Variants in FBXO25 observed in about 807,000 individuals in gnomAD.
The protein encoded by FBXO25 is F-box only protein 25.
Under a neutral mutation model 51.9 loss-of-function variants are expected in FBXO25, and 45 were observed. That is an observed-to-expected ratio of 0.87 (90% CI 0.68 to 1.11). The LOEUF (loss-of-function observed/expected upper bound fraction) is 1.11. Ranked by LOEUF, FBXO25 falls within the 50% of genes most tolerant of loss-of-function variation. The pLI, the probability that FBXO25 is intolerant of heterozygous loss-of-function variation, is 0.00. For synonymous variants in FBXO25, 199 were observed against 151.0 expected, an observed-to-expected ratio of 1.32 and a Z score of -2.33; for missense variants, 507 against 428.5, an observed-to-expected ratio of 1.18 and a Z score of -1.62.
chr8:475,729 A>G lies in FBXO25; in HGVS notation c.*6925A>G, dbSNP rs531607300. 1 of 152,250 alleles carries G rather than the reference A, an allele frequency of 6.6e-6. No individual in the cohort carries two copies. Among genetic ancestry groups the G allele is most frequent in the Admixed American group, 6.5e-5 (1 of 15,302 alleles). 9.4% of individuals were successfully genotyped at this position (152,250 alleles called of 1,614,324 possible). ...TGAGATTGCTTGTTATTGTATAGAA[A>G]TATCATGGATTTGTTGTGTTGATTT... On this transcript the variant is annotated 3_prime_UTR_variant, in exon 10 of 10. Transcript: ENST00000350302.
intron 8 of FBXO25, among the ~76,000 whole-genome samples, chr8:459,643 G>A (rs925547843): frequency 4.6e-5 from 7 of 152,226 alleles, no homozygotes; most frequent in African/African-American, 1.4e-4. Flanking sequence ...AGATGACCCC[G>A]ATGGGATGGG....
intron 5 of FBXO25, among the ~76,000 whole-genome samples, chr8:441,978 T>G (rs966853056): frequency 6.6e-6 from 1 of 152,204 alleles, no homozygotes; most frequent in African/African-American, 2.4e-5. Context: ...CCAGAGATAC[T>G]ATTTGACCCA....
intron 9 of FBXO25, among the ~76,000 whole-genome samples, chr8:465,955 T>C (rs768350013): frequency 6.6e-6 from 1 of 152,226 alleles, no homozygotes; most frequent in Admixed American, 6.5e-5. Flanking sequence ...GATCATATCA[T>C]GGAAATTGAG....
At chr8:428,831 GTCC>G (rs1797649033) in intron 2 of FBXO25, among the ~76,000 whole-genome samples, 3 of 152,280 alleles carry the variant, frequency 2.0e-5, no homozygotes, top group African/African-American at 7.2e-5. Flanking sequence ...TCAGCGTAAC[GTCC>G]TCAAGTTTCA....
In FBXO25 at chr8:461,804, T is replaced by TA. The variant is rs575538882; in HGVS notation, c.844-1202dup. ...CTTCTTACCCTTTGCATGATGTCCTTACGGCTCCATGTTGTAGAATAAATC... is the reference window on the plus strand; with the variant it reads ...CTTCTTACCCTTTGCATGATGTCCTTAACGGCTCCATGTTGTAGAATAAATC... On this transcript the variant is annotated intron_variant, in intron 8 of 9. Transcript: ENST00000350302. Among the ~76,000 whole-genome samples, 61 of 152,342 alleles carry TA rather than the reference T, an allele frequency of 4.0e-4. 1 individual carries two copies. The highest frequency in any genetic ancestry group is 6.8e-3 in the Middle Eastern group (2 of 294).
At chr8:437,971 A>T (rs184969388) in intron 5 of FBXO25, among the ~76,000 whole-genome samples, 11 of 152,258 alleles carry the variant, frequency 7.2e-5, no homozygotes, top group Non-Finnish European at 1.6e-4. Context: ...GCATTTTTTT[A>T]AAATGCTTGA....
Position 450,010 on chromosome 8 carries a change from A to G in FBXO25, c.402A>G (p.Lys134=), listed in dbSNP as rs1304543848. The change falls in exon 6 of 10, where the codon AAA becomes AAG. Residue 134 remains lysine, a synonymous_variant. Coordinates refer to ENST00000350302, the MANE Select transcript of FBXO25 (RefSeq NM_183420.2). ...YVVKLLQLIA[K]SQLTSLSGVA... ...TTAAGCTGTTGCAGCTAATTGCAAA[A>G]TCCCAGTTAACTTCATTGAGTGGCG... 10 of 1,611,200 alleles carry G rather than the reference A, an allele frequency of 6.2e-6. No homozygotes were observed. The highest frequency in any genetic ancestry group is 8.5e-6 in the Non-Finnish European group (10 of 1,179,144).
rs1373649526 is a variant in FBXO25 at position 477,444 on chromosome 8, G to T, written c.*8640G>T. On this transcript the variant is annotated 3_prime_UTR_variant, in exon 10 of 10. Coordinates refer to ENST00000350302, the MANE Select transcript of FBXO25 (RefSeq NM_183420.2). ...TCATATATTTTGGGCTCTGATGTTT[G>T]GTGCATATATATTACATCTTGGTGA... The T allele has an allele frequency of 6.6e-6, 1 of 152,166 alleles. No homozygotes were observed. Among genetic ancestry groups the T allele is most frequent in the African/African-American group, 2.4e-5 (1 of 41,422 alleles). The allele number at this position is 152,166 out of a possible 1,614,324, so 9.4% of individuals were successfully genotyped here. A position where few individuals can be genotyped will look rare whatever the true frequency, so the allele number is the denominator to read the frequency against.
chr8:434,986 A>G (rs1798018140), intron 4 of FBXO25, among the ~76,000 whole-genome samples: 1 of 152,138 alleles, frequency 6.6e-6, no homozygotes, highest in Non-Finnish European at 1.5e-5. Context: ...GCCCGTGGTC[A>G]CATCCAGCAC....
chr8:408,760 A>G lies in FBXO25; in HGVS notation c.-8+1694A>G, dbSNP rs530550260. On this transcript the variant is annotated intron_variant, in intron 1 of 9. Transcript: ENST00000350302. Reference sequence around the variant, plus strand: ...CCTTTTCTACTGAAGTATCCCACCCACGTGTCCTACCACATGAAATAGAAA... The same window carrying G: ...CCTTTTCTACTGAAGTATCCCACCCGCGTGTCCTACCACATGAAATAGAAA... Among the ~76,000 whole-genome samples, 2 of 152,318 alleles carry G rather than the reference A, an allele frequency of 1.3e-5. 1 individual carries two copies. Among genetic ancestry groups the G allele is most frequent in the South Asian group, 4.1e-4 (2 of 4,824 alleles).
intron 2 of FBXO25, among the ~76,000 whole-genome samples, chr8:427,194 T>C (rs113216971): frequency 0.17 from 22,462 of 134,308 alleles, 827 homozygotes; most frequent in East Asian, 0.42. Flanking sequence ...GAGCAGAGAT[T>C]GTAGCTCCCT....
chr8:451,493 T>C (rs6651443), intron 7 of FBXO25, 40 bp downstream of exon 7: 380,303 of 1,567,586 alleles, frequency 0.24, 47,214 homozygotes, highest in East Asian at 0.35. Context: ...CACTCTGTTT[T>C]TATATTACAG....
chr8:463,259 T>A (rs1799935429), intron 9 of FBXO25, 109 bp downstream of exon 9: 1 of 1,200,276 alleles, frequency 8.3e-7, no homozygotes, highest in Non-Finnish European at 1.2e-6. Flanking sequence ...CTGTTTGTTA[T>A]AAGTAAGTTA....
intron 6 of FBXO25, chr8:451,018 A>G (rs1799050451): frequency 6.1e-6 from 2 of 330,542 alleles, no homozygotes; most frequent in Non-Finnish European, 1.1e-5. Context: ...GCCTCATGTA[A>G]GTGGAGATAT....
intron 9 of FBXO25, chr8:467,819 C>G: frequency 6.2e-7 from 1 of 1,600,762 alleles, no homozygotes; most frequent in East Asian, 2.2e-5. Context: ...TCATGCACGT[C>G]ATCTTGGCCA....
At chr8:414,162 G>C (rs972815822) in intron 2 of FBXO25, among the ~76,000 whole-genome samples, 5 of 152,196 alleles carry the variant, frequency 3.3e-5, no homozygotes, top group Admixed American at 2.0e-4. Flanking sequence ...TTTAGTTACA[G>C]TGAGGATAAC....
Position 413,354 on chromosome 8 carries a change from C to G in FBXO25, c.134+141C>G, listed in dbSNP as rs186942153. On this transcript the variant is annotated intron_variant, in intron 2 of 9. Transcript: ENST00000350302. Reference sequence around the variant, plus strand: ...TGGTGTGAAGAGACAAGTTGTTTAGCTAAAAAATGAGGCTAGTAGATTGCC... The same window carrying G: ...TGGTGTGAAGAGACAAGTTGTTTAGGTAAAAAATGAGGCTAGTAGATTGCC... 2.3e-5 allele frequency: 30 copies of G among 1,329,384 alleles called. 1 individual carries two copies. In the Admixed American group the frequency reaches 6.0e-4, roughly 27 times the overall value. The allele number at this position is 1,329,384 out of a possible 1,614,324, so 82.3% of individuals were successfully genotyped here. A position where few individuals can be genotyped will look rare whatever the true frequency, so the allele number is the denominator to read the frequency against.
At position 429,124 on chromosome 8, in the gene FBXO25, C is replaced by G. The variant is rs144042015; in HGVS notation, c.135-2217C>G. 5.9e-3 allele frequency among the ~76,000 whole-genome samples: 904 copies of G among 152,238 alleles called. 6 individuals carry two copies. The highest frequency in any genetic ancestry group is 0.02 in the African/African-American group (844 of 41,554). ...TTTTTGAAGAACCTCCATACTGTTT[C>G]CTATAGTAGCTATACCATCCTCCAT... On this transcript the variant is annotated intron_variant, in intron 2 of 9. Coordinates refer to ENST00000350302, the MANE Select transcript of FBXO25 (RefSeq NM_183420.2).
chr8:426,940 A>G (rs1490385013), intron 2 of FBXO25, among the ~76,000 whole-genome samples: 2 of 151,288 alleles, frequency 1.3e-5, no homozygotes, highest in Non-Finnish European at 2.9e-5. Context: ...TAGGTTTCAC[A>G]TCTTTTTTTT....
Sources: gnomAD v4.1 joint callset for allele counts (sites outside exome capture counted in the v4.1 genomes callset) on GRCh38, gnomAD v4.1.1 for gene constraint, MANE v1.5 for transcripts, NCBI Gene and HGNC (gene_info 2026-07-23, HGNC 2026-07-21) for gene names.